The following ITPR2 variants were observed in gnomAD, a reference collection of about 807,000 sequenced individuals.
ITPR2 encodes the protein inositol 1,4,5-trisphosphate-gated calcium channel ITPR2.
Under a neutral mutation model 317.1 loss-of-function variants are expected in ITPR2, and 207 were observed. The observed-to-expected ratio is 0.65, with a 90% CI of 0.58 to 0.73. The LOEUF is 0.73. ITPR2 is among the 30% of genes least tolerant of loss of function. ITPR2 has a pLI of 0.00. For synonymous variants in ITPR2, 1,156 were observed against 1,149.1 expected (o/e 1.01, Z -0.12); for missense variants, 2,613 against 3,284.0 (o/e 0.80, Z 4.99).
intron 45 of ITPR2, among the ~76,000 whole-genome samples, chr12:26,455,077 A>G (rs1301529843): frequency 1.3e-5 from 2 of 152,116 alleles, no homozygotes; most frequent in Non-Finnish European, 2.9e-5. Flanking sequence ...GCTTGAAATT[A>G]TAATGATGAG....
chr12:26,578,203 A>C (rs1170390960), intron 34 of ITPR2, among the ~76,000 whole-genome samples: 14 of 150,248 alleles, frequency 9.3e-5, no homozygotes, highest in South Asian at 4.2e-4. Flanking sequence ...TCGACACCCC[A>C]CCCCCATACA....
intron 2 of ITPR2, among the ~76,000 whole-genome samples, chr12:26,784,478 G>T (rs907292272): frequency 6.6e-6 from 1 of 150,944 alleles, no homozygotes; most frequent in Non-Finnish European, 1.5e-5. Flanking sequence ...AGCCTGCCGG[G>T]TGCCTGCGCA....
chr12:26,539,887 G>A (rs978384867), intron 37 of ITPR2, among the ~76,000 whole-genome samples: 1 of 152,190 alleles, frequency 6.6e-6, no homozygotes, highest in Non-Finnish European at 1.5e-5. Flanking sequence ...ATAGGACTAG[G>A]GAAGGTCAAT....
In ITPR2 at chr12:26,832,860, A is replaced by G. The variant is rs1951140748; in HGVS notation, c.-79T>C. The G allele has an allele frequency of 8.6e-6, 10 of 1,159,562 alleles. No homozygotes were observed. The highest frequency in any genetic ancestry group is 5.7e-5 in the Admixed American group (3 of 52,944). 71.8% of individuals were successfully genotyped at this position (1,159,562 alleles called of 1,614,324 possible). On this transcript the variant is annotated 5_prime_UTR_variant, in exon 1 of 57. Coordinates refer to ENST00000381340, the MANE Select transcript of ITPR2 (RefSeq NM_002223.4). ...CCTCTCTCCAGGGAGCCGCCGCGGCAGAAGCGGATCGGATCGCGGGACTAC... is the reference window on the plus strand; with the variant it reads ...CCTCTCTCCAGGGAGCCGCCGCGGCGGAAGCGGATCGGATCGCGGGACTAC...
chr12:26,761,962 C>T (rs1949642594), intron 2 of ITPR2, among the ~76,000 whole-genome samples: 1 of 152,046 alleles, frequency 6.6e-6, no homozygotes, highest in Non-Finnish European at 1.5e-5. Flanking sequence ...CTGAAAAATT[C>T]CATAAAGGGC....
intron 34 of ITPR2, among the ~76,000 whole-genome samples, chr12:26,566,581 AAAAG>A (rs1193532210): frequency 6.6e-6 from 1 of 151,974 alleles, no homozygotes; most frequent in African/African-American, 2.4e-5. Flanking sequence ...AAGGAAAGGA[AAAAG>A]AAAGGAAGAA....
chr12:26,341,453 T>A (rs1430671593), intron 55 of ITPR2, among the ~76,000 whole-genome samples: 2 of 152,210 alleles, frequency 1.3e-5, no homozygotes, highest in Non-Finnish European at 2.9e-5. Flanking sequence ...AAGGCCCAAT[T>A]TGTGTATCTC....
chr12:26,775,959 T>TATATATATATATATACATA (rs1263788006), intron 2 of ITPR2, among the ~76,000 whole-genome samples: 4 of 145,088 alleles, frequency 2.8e-5, no homozygotes, highest in Non-Finnish European at 6.1e-5. Flanking sequence ...TATATGTATA[T>TATATATATATATATACATA]CCTATTAGTT....
chr12:26,565,867 G>A (rs1944950810), intron 34 of ITPR2, among the ~76,000 whole-genome samples: 5 of 63,566 alleles, frequency 7.9e-5, no homozygotes, highest in Middle Eastern at 9.3e-3. Flanking sequence ...GAGAGGGGAG[G>A]GGAGGAGAGG....
chr12:26,785,403 C>T (rs1344881604), intron 2 of ITPR2, among the ~76,000 whole-genome samples: 1 of 68,692 alleles, frequency 1.5e-5, no homozygotes, highest in Non-Finnish European at 3.8e-5. Context: ...CTCTGCCCGG[C>T]CAGCCGCCCC....
chr12:26,722,330 A>T, intron 5 of ITPR2, 67 bp downstream of exon 5: 4 of 1,384,074 alleles, frequency 2.9e-6, no homozygotes, highest in Non-Finnish European at 4.0e-6. Context: ...TTTCTGGATT[A>T]TCTTACTTAT....
chr12:26,737,234 C>A (rs1021122557), intron 2 of ITPR2, among the ~76,000 whole-genome samples: 5 of 148,580 alleles, frequency 3.4e-5, no homozygotes, highest in Admixed American at 1.3e-4. Flanking sequence ...TTCTATTTTT[C>A]TTTTTTTTTT....
intron 34 of ITPR2, among the ~76,000 whole-genome samples, chr12:26,569,125 C>A (rs543645250): frequency 3.3e-5 from 5 of 152,186 alleles, no homozygotes; most frequent in African/African-American, 1.2e-4. Flanking sequence ...TATGAAAATT[C>A]TCCATGAGAA....
chr12:26,781,602 T>A (rs1464724159), intron 2 of ITPR2, among the ~76,000 whole-genome samples: 1 of 152,140 alleles, frequency 6.6e-6, no homozygotes, highest in Non-Finnish European at 1.5e-5. Context: ...AGGAGATGTT[T>A]ATGGGTTCAA....
chr12:26,550,173 A>G, intron 37 of ITPR2, 74 bp downstream of exon 37: 2 of 624,064 alleles, frequency 3.2e-6, no homozygotes, highest in East Asian at 2.9e-5. Context: ...GTAATAGCCT[A>G]TTGTAATTCA....
At position 26,475,435 on chromosome 12, in the gene ITPR2, AG is replaced by A; in HGVS notation, c.6220-18del. On this transcript the variant is annotated intron_variant, in intron 44 of 56. Transcript: ENST00000381340. Reference sequence around the variant, plus strand: ...CACATCCACCTATCCAAAAAAAAAAAGAATATTGAAATGCCAGAAACAACAT... The same window carrying A: ...CACATCCACCTATCCAAAAAAAAAAAAATATTGAAATGCCAGAAACAACAT... 6.3e-7 allele frequency: 1 copy of A among 1,597,772 alleles called. No individual in the cohort carries two copies. The highest frequency in any genetic ancestry group is 8.5e-7 in the Non-Finnish European group (1 of 1,174,826).
chr12:26,566,362 GAAGGA>G (rs1944985709), intron 34 of ITPR2, among the ~76,000 whole-genome samples: 1 of 139,122 alleles, frequency 7.2e-6, no homozygotes, highest in Non-Finnish European at 1.6e-5. Context: ...AGAGGAAAGA[GAAGGA>G]GAGGAGAGGA....
chr12:26,547,184 G>C (rs1008747992), intron 37 of ITPR2, among the ~76,000 whole-genome samples: 5 of 152,038 alleles, frequency 3.3e-5, no homozygotes, highest in Admixed American at 6.6e-5. Context: ...AAATATACAA[G>C]AAACTCAAAC....
intron 55 of ITPR2, among the ~76,000 whole-genome samples, chr12:26,384,048 AT>A (rs1939596303): frequency 6.6e-6 from 1 of 152,242 alleles, no homozygotes; most frequent in Non-Finnish European, 1.5e-5. Context: ...AAGTGAACCT[AT>A]TTTTAAAGAA....
Sources: gnomAD v4.1 joint callset for allele counts (sites outside exome capture counted in the v4.1 genomes callset) on GRCh38, gnomAD v4.1.1 for gene constraint, MANE v1.5 for transcripts, NCBI Gene and HGNC (gene_info 2026-07-23, HGNC 2026-07-21) for gene names.